The following PDE5A variants were observed in gnomAD, a reference collection of about 807,000 sequenced individuals.
PDE5A encodes the protein phosphodiesterase 5A.
In PDE5A, 67 loss-of-function variants were observed where a neutral mutation model predicts 110.2. The observed-to-expected ratio is 0.61, with a 90% confidence interval of 0.50 to 0.75. PDE5A has a LOEUF of 0.75. Among genes scored for constraint, PDE5A ranks in the 30% least tolerant of loss-of-function variants. The probability of loss-of-function intolerance (pLI) is 0.00; values close to 1 mark genes in which losing one functional copy is unlikely to be tolerated. For missense variants in PDE5A, 862 were observed against 1,045.1 expected, an observed-to-expected ratio of 0.82 and a Z score of 2.42; for synonymous variants, 328 against 351.2, an observed-to-expected ratio of 0.93 and a Z score of 0.74.
chr4:119,501,155 T>G lies in PDE5A; in HGVS notation c.2490+15A>C. 6.6e-7 allele frequency: 1 copy of G among 1,522,266 alleles called. No individual in the cohort carries two copies. Among genetic ancestry groups the G allele is most frequent in the Non-Finnish European group, 9.1e-7 (1 of 1,097,184 alleles). 94.3% of individuals were successfully genotyped at this position (1,522,266 alleles called of 1,614,324 possible). ...AGTCCAAGTTTAGCAAGTCTAGTAG[T>G]TTTCATATAAATACCTCATACAGTT... On this transcript the variant is annotated intron_variant, in intron 20 of 20. Transcript: ENST00000354960.
At chr4:119,520,514 C>G (rs1044494098) in intron 13 of PDE5A, among the ~76,000 whole-genome samples, 2 of 152,208 alleles carry the variant, frequency 1.3e-5, no homozygotes, top group African/African-American at 4.8e-5. Context: ...AAATGCGATA[C>G]AGACCCCTAA....
chr4:119,511,359 G>C (rs886573727), intron 14 of PDE5A, among the ~76,000 whole-genome samples: 1 of 151,924 alleles, frequency 6.6e-6, no homozygotes. Context: ...CCAGAGTAAA[G>C]TATGAACAAT....
intron 10 of PDE5A, among the ~76,000 whole-genome samples, chr4:119,541,500 T>G (rs1726927065): frequency 6.6e-6 from 1 of 152,048 alleles, no homozygotes; most frequent in Admixed American, 6.6e-5. Flanking sequence ...CAAAGTCTTT[T>G]ATATAATACT....
At chr4:119,550,490 A>G (rs1359687632) in intron 9 of PDE5A, 1 of 152,232 alleles carries the variant, frequency 6.6e-6, no homozygotes, top group Non-Finnish European at 1.5e-5. Flanking sequence ...TGGCGCTAAC[A>G]CAATGCTGTG....
At chr4:119,526,157 G>C (rs1726310272) in intron 11 of PDE5A, among the ~76,000 whole-genome samples, 1 of 152,086 alleles carries the variant, frequency 6.6e-6, no homozygotes, top group South Asian at 2.1e-4. Flanking sequence ...CTTATGAAGT[G>C]GACACTCTAG....
chr4:119,551,176 T>C (rs1201944393), intron 9 of PDE5A, among the ~76,000 whole-genome samples: 1 of 152,116 alleles, frequency 6.6e-6, no homozygotes, highest in East Asian at 1.9e-4. Flanking sequence ...CAAGACTGAT[T>C]TATAAAACCA....
At chr4:119,612,315 C>A (rs1187739434) in intron 1 of PDE5A, among the ~76,000 whole-genome samples, 21 of 152,108 alleles carry the variant, frequency 1.4e-4, no homozygotes, top group Admixed American at 1.4e-3. Flanking sequence ...TGGCTTCACA[C>A]CATCCCCTTC....
intron 9 of PDE5A, chr4:119,548,096 C>A (rs976043658): frequency 7.7e-6 from 1 of 129,304 alleles, no homozygotes; most frequent in African/African-American, 2.9e-5. Context: ...TAGCCCAGGC[C>A]GGATTGCAGT....
chr4:119,615,018 C>T (rs985222458), intron 1 of PDE5A, among the ~76,000 whole-genome samples: 1 of 152,114 alleles, frequency 6.6e-6, no homozygotes, highest in Admixed American at 6.5e-5. Context: ...AATTCTAGTT[C>T]CAGCTACAAC....
At chr4:119,610,896 A>G (rs1220296667) in intron 1 of PDE5A, among the ~76,000 whole-genome samples, 1 of 152,120 alleles carries the variant, frequency 6.6e-6, no homozygotes. Context: ...ACCCCCTTGC[A>G]ATCCCATTCT....
chr4:119,501,292 T>G (rs755278235), intron 19 of PDE5A, 39 bp from the exon 20 acceptor site: 1 of 1,157,752 alleles, frequency 8.6e-7, no homozygotes, highest in African/African-American at 1.5e-5. Context: ...CAGATGTGCA[T>G]TTATTTATTT....
At chr4:119,500,700 C>T (rs907692069) in intron 20 of PDE5A, 1 of 152,270 alleles carries the variant, frequency 6.6e-6, no homozygotes, top group African/African-American at 2.4e-5. Context: ...AACCACCCCC[C>T]CTCCAAAAGC....
At chr4:119,599,331 G>C (rs1729261658) in intron 2 of PDE5A, among the ~76,000 whole-genome samples, 2 of 151,872 alleles carry the variant, frequency 1.3e-5, no homozygotes, top group South Asian at 2.1e-4. Context: ...CCATAGTAAA[G>C]AGAAAAAGTA....
At chr4:119,522,580 T>G (rs1043928926) in intron 12 of PDE5A, among the ~76,000 whole-genome samples, 2 of 152,070 alleles carry the variant, frequency 1.3e-5, no homozygotes, top group African/African-American at 4.8e-5. Flanking sequence ...ATACCATATA[T>G]TGTGAAACAA....
chr4:119,539,724 A>G (rs145702092), intron 10 of PDE5A, among the ~76,000 whole-genome samples: 2 of 152,204 alleles, frequency 1.3e-5, no homozygotes, highest in East Asian at 1.9e-4. Flanking sequence ...CCTAACCTAT[A>G]CACGTTCCAT....
At position 119,596,613 on chromosome 4, in the gene PDE5A, C is replaced by G; in HGVS notation, c.742-1G>C. 3 of 1,552,572 alleles carry G rather than the reference C, an allele frequency of 1.9e-6. No homozygotes were observed. Among genetic ancestry groups the G allele is most frequent in the Non-Finnish European group, 2.6e-6 (3 of 1,139,422 alleles). ...CAACTTCTGCATTGAACCGAGGATC[C>G]TAGTATGGAAAAAGAAATTCAATTT... On this transcript the variant is annotated splice_acceptor_variant, in intron 2 of 20. Transcript: ENST00000354960. LOFTEE classifies it high-confidence loss of function.
Position 119,512,881 on chromosome 4 carries a change from T to C in PDE5A, c.2001-1747A>G, listed in dbSNP as rs965926582. ...CTGGGCTGGAGATATAGATTTGGAATGCACCAACAATGCAGATGGTAATCC... is the reference window on the plus strand; with the variant it reads ...CTGGGCTGGAGATATAGATTTGGAACGCACCAACAATGCAGATGGTAATCC... On this transcript the variant is annotated intron_variant, in intron 14 of 20. Coordinates refer to ENST00000354960, the MANE Select transcript of PDE5A (RefSeq NM_001083.4). 9 of 152,256 alleles carry C rather than the reference T, an allele frequency of 5.9e-5. 1 individual carries two copies. Among genetic ancestry groups the C allele is most frequent in the African/African-American group, 2.2e-4 (9 of 41,548 alleles). The allele number at this position is 152,256 out of a possible 1,614,324, so 9.4% of individuals were successfully genotyped here.
chr4:119,624,004 TC>T (rs1221531125), intron 1 of PDE5A, among the ~76,000 whole-genome samples: 3 of 152,094 alleles, frequency 2.0e-5, no homozygotes, highest in Non-Finnish European at 4.4e-5. Context: ...TTTCAGGGGC[TC>T]CTATGGATTT....
chr4:119,606,661 A>G (rs200772901), intron 2 of PDE5A, 48 bp downstream of exon 2: 10 of 1,366,278 alleles, frequency 7.3e-6, no homozygotes, highest in Non-Finnish European at 1.0e-5. Context: ...CGCCCCAGCC[A>G]TAGTCCCCTC....
Sources: allele counts gnomAD v4.1 joint callset (sites outside exome capture counted in the v4.1 genomes callset), GRCh38; gene constraint gnomAD v4.1.1; transcripts MANE v1.5; gene names NCBI Gene and HGNC (gene_info 2026-07-23, HGNC 2026-07-21).